Variants in KATNB1 observed in about 807,000 individuals in gnomAD.
The protein encoded by KATNB1 is katanin p80 WD40 repeat-containing subunit B1.
In KATNB1, 38 loss-of-function variants were observed where a neutral mutation model predicts 82.3. The ratio of observed to expected loss-of-function variants is 0.46; its 90% CI spans 0.36 to 0.61. KATNB1 has a LOEUF of 0.61. Among genes scored for constraint, KATNB1 ranks in the 20% least tolerant of loss-of-function variants. The probability of loss-of-function intolerance (pLI) is 0.00; values close to 1 mark genes in which losing one functional copy is unlikely to be tolerated. For missense variants in KATNB1, 749 were observed against 915.7 expected (o/e 0.82, Z 2.35); for synonymous variants, 361 against 368.7 (o/e 0.98, Z 0.24).
intron 4 of KATNB1, among the ~76,000 whole-genome samples, chr16:57,750,094 C>T (rs1471296973): frequency 6.6e-6 from 1 of 152,200 alleles, no homozygotes; most frequent in African/African-American, 2.4e-5. Context: ...CTGGATTTCT[C>T]TTTCCAACCA....
At chr16:57,756,125 C>T (rs1246456481) in intron 18 of KATNB1, 59 bp downstream of exon 18, 1 of 1,563,428 alleles carries the variant, frequency 6.4e-7, no homozygotes, top group Admixed American at 1.7e-5. Flanking sequence ...TAAGAAGCCT[C>T]CTCCAGAACC....
intron 14 of KATNB1, 53 bp downstream of exon 14, chr16:57,755,050 G>C (rs1404531140): frequency 6.2e-7 from 1 of 1,613,482 alleles, no homozygotes; most frequent in African/African-American, 1.3e-5. Flanking sequence ...CCTGACCCAG[G>C]GTTGGGGGTG....
chr16:57,752,739 G>T, intron 9 of KATNB1, 39 bp from the exon 10 acceptor site: 3 of 1,598,826 alleles, frequency 1.9e-6, no homozygotes, highest in Non-Finnish European at 1.7e-6. Context: ...GACCAGGCTG[G>T]GTGCCACAGG....
chr16:57,755,018 T>C (rs1555585151), intron 14 of KATNB1, 21 bp downstream of exon 14: 3 of 1,613,744 alleles, frequency 1.9e-6, no homozygotes, highest in African/African-American at 1.3e-5. Flanking sequence ...GGAGGGAGCA[T>C]GGTGTGGGGC....
At chr16:57,754,835 C>A (rs74768522) in intron 13 of KATNB1, 95 bp from the exon 14 acceptor site, 3 of 1,259,686 alleles carry the variant, frequency 2.4e-6, no homozygotes, top group East Asian at 4.6e-5. Context: ...CTCCATCCCC[C>A]CATTGCAGAT....
intron 2 of KATNB1, among the ~76,000 whole-genome samples, chr16:57,739,387 C>G (rs2049126441): frequency 6.6e-6 from 1 of 152,208 alleles, no homozygotes; most frequent in Non-Finnish European, 1.5e-5. Context: ...TTGTATCTTG[C>G]ATTTGGGATG....
At chr16:57,738,536 A>G (rs1413187273) in intron 2 of KATNB1, among the ~76,000 whole-genome samples, 1 of 151,954 alleles carries the variant, frequency 6.6e-6, no homozygotes, top group East Asian at 1.9e-4. Context: ...GATGACAGGC[A>G]TGAGCCACCA....
rs1016365576 is a variant in KATNB1 at position 57,751,842 on chromosome 16, G to C, written c.517-98G>C. The C allele has an allele frequency of 5.0e-6, 7 of 1,396,056 alleles. No homozygotes were observed. Among genetic ancestry groups the C allele is most frequent in the Non-Finnish European group, 6.0e-6 (6 of 993,684 alleles). The allele number at this position is 1,396,056 out of a possible 1,614,324, so 86.5% of individuals were successfully genotyped here. A position where few individuals can be genotyped will look rare whatever the true frequency, so the allele number is the denominator to read the frequency against. ...ACATGTCCCAAGCCTATCCCGAGTG[G>C]AAGGTAGCTTGTGGATAAAGAGCTT... is the stretch of plus-strand genomic sequence containing the variant. On this transcript the variant is annotated intron_variant, in intron 7 of 19. Transcript: ENST00000379661. This position sits in a 1 kb window ranked among gnomAD's most constrained non-coding sequence, Gnocchi z 6.3.
Position 57,751,646 on chromosome 16 carries a change from C to T in KATNB1, c.438C>T (p.His146=). ...RKGCVFRYRG[H]SQAVRCLRFS... ...CATGCCGTGTCCTCCCTCAGGGGCA[C>T]AGCCAGGCCGTGCGGTGTCTCCGGT... Residue 146 remains histidine, a synonymous_variant, in exon 7 of 20, where the codon CAC becomes CAT. Coordinates refer to ENST00000379661, the MANE Select transcript of KATNB1 (RefSeq NM_005886.3). The surrounding 1 kb of genome is among the most constrained non-coding windows in gnomAD (Gnocchi z 6.3). The T allele has an allele frequency of 6.2e-7, 1 of 1,611,100 alleles. No individual in the cohort carries two copies. Among genetic ancestry groups the T allele is most frequent in the Non-Finnish European group, 8.5e-7 (1 of 1,179,976 alleles).
At chr16:57,749,095 C>T (rs2049205117) in intron 4 of KATNB1, among the ~76,000 whole-genome samples, 1 of 152,238 alleles carries the variant, frequency 6.6e-6, no homozygotes, top group African/African-American at 2.4e-5. Flanking sequence ...GACCCAGCTC[C>T]AGCGCCAGAC....
chr16:57,755,736 A>G, intron 16 of KATNB1, 105 bp from the exon 17 acceptor site: 1 of 1,113,590 alleles, frequency 9.0e-7, no homozygotes, highest in South Asian at 1.5e-5. Context: ...GAATACCCAC[A>G]GCCCCATCAG....
Position 57,751,850 on chromosome 16 carries a change from C to A in KATNB1, c.517-90C>A. 7.1e-7 allele frequency: 1 copy of A among 1,400,010 alleles called. No individual in the cohort carries two copies. Among genetic ancestry groups the A allele is most frequent in the Non-Finnish European group, 1.0e-6 (1 of 996,944 alleles). 86.7% of individuals were successfully genotyped at this position (1,400,010 alleles called of 1,614,324 possible). A position where few individuals can be genotyped will look rare whatever the true frequency, so the allele number is the denominator to read the frequency against. ...CAAGCCTATCCCGAGTGGAAGGTAG[C>A]TTGTGGATAAAGAGCTTGGCCTGGA... On this transcript the variant is annotated intron_variant, in intron 7 of 19. Transcript: ENST00000379661. This position sits in a 1 kb window ranked among gnomAD's most constrained non-coding sequence, Gnocchi z 6.3.
rs372138195 is a variant in KATNB1 at position 57,753,236 on chromosome 16, C to A, written c.1015C>A (p.Arg339=). ...CGCCCCCCTCCGGCGCATCTATGAG[C>A]GGCCCAGCACAACCTGCAGCAAGCC... is the stretch of plus-strand genomic sequence containing the variant. The part of the protein sequence containing the change: ...PSAPLRRIYE[R]PSTTCSKPQR... The change falls in exon 11 of 20, where the codon CGG becomes AGG. Residue 339 remains arginine, a synonymous_variant. Transcript: ENST00000379661. The A allele has an allele frequency of 2.5e-6, 4 of 1,602,110 alleles. No homozygotes were observed. In the African/African-American group the frequency reaches 5.4e-5, roughly 21 times the overall value.
intron 16 of KATNB1, 56 bp downstream of exon 16, chr16:57,755,550 C>A: frequency 6.3e-7 from 1 of 1,583,044 alleles, no homozygotes; most frequent in Non-Finnish European, 8.6e-7. Context: ...CTGCCACCTG[C>A]CTGCCCGGGC....
At chr16:57,753,902 C>T in intron 12 of KATNB1, 43 bp from the exon 13 acceptor site, 2 of 1,606,760 alleles carry the variant, frequency 1.2e-6, no homozygotes, top group Non-Finnish European at 1.7e-6. Flanking sequence ...CCCAGGTGGC[C>T]TGGCCAGGAG....
rs782571763 is a variant in KATNB1, at chr16:57,754,015, T to A, written c.1228+20T>A. ...AGGACGGTGAGTTGGGTGAGCCTGG[T>A]TTCCCAAGGTCTCTGATGCCCCCCC... is the stretch of plus-strand genomic sequence containing the variant. On this transcript the variant is annotated intron_variant, in intron 13 of 19. Transcript: ENST00000379661. 1 of 1,610,118 alleles carries A rather than the reference T, an allele frequency of 6.2e-7. No individual in the cohort carries two copies. Among genetic ancestry groups the A allele is most frequent in the Non-Finnish European group, 8.5e-7 (1 of 1,177,198 alleles).
intron 4 of KATNB1, among the ~76,000 whole-genome samples, chr16:57,745,290 G>A (rs957018168): frequency 1.5e-4 from 22 of 151,288 alleles, no homozygotes; most frequent in Non-Finnish European, 2.5e-4. Context: ...AAGGCAGGCG[G>A]ATCACCTGAG....
At chr16:57,755,065 G>A (rs201903236) in intron 14 of KATNB1, 54 bp from the exon 15 acceptor site, 88 of 1,613,060 alleles carry the variant, frequency 5.5e-5, no homozygotes, top group African/African-American at 3.1e-4. Context: ...GGGGTGCCTC[G>A]GGAGGCAGAG....
In KATNB1 at chr16:57,757,066, C is replaced by A. The variant is rs998622647; in HGVS notation, c.*120C>A. 1.7e-5 allele frequency: 20 copies of A among 1,199,976 alleles called. No homozygotes were observed. In the East Asian group the frequency reaches 3.2e-4, roughly 19 times the overall value. 74.3% of individuals were successfully genotyped at this position (1,199,976 alleles called of 1,614,324 possible). ...CCTGGCCCCTGCTGCTGTCCTGTGG[C>A]CGTCCTGGAGGAGGTGATGCTGGTC... is the stretch of plus-strand genomic sequence containing the variant. On this transcript the variant is annotated 3_prime_UTR_variant, in exon 20 of 20. Transcript: ENST00000379661.
Sources: allele counts gnomAD v4.1 joint callset (sites outside exome capture counted in the v4.1 genomes callset), GRCh38; gene constraint gnomAD v4.1.1; non-coding constraint Gnocchi (gnomAD v3.1); transcripts MANE v1.5; gene names NCBI Gene and HGNC (gene_info 2026-07-23, HGNC 2026-07-21).